POT1: variants seen among roughly 807,000 people sequenced by gnomAD.
POT1 encodes the protein protection of telomeres protein 1.
POT1 carries 47 observed loss-of-function variants against 78.5 expected under a neutral mutation model. That is an observed-to-expected ratio of 0.60 (90% confidence interval 0.47 to 0.76). The LOEUF (loss-of-function observed/expected upper bound fraction) is 0.76, where lower values mean the gene tolerates loss of function less well. POT1 is among the 30% of genes least tolerant of loss of function. The probability of loss-of-function intolerance (pLI) is 0.00; values close to 1 mark genes in which losing one functional copy is unlikely to be tolerated. For missense variants in POT1, 646 were observed against 749.9 expected, an observed-to-expected ratio of 0.86 and a Z score of 1.62; for synonymous variants, 259 against 260.7, an observed-to-expected ratio of 0.99 and a Z score of 0.06.
chr7:124,828,912 T>G (rs546345748), intron 16 of POT1: 2 of 559,718 alleles, frequency 3.6e-6, no homozygotes, highest in Non-Finnish European at 7.0e-6. Context: ...AATAATAATT[T>G]CACTCTATTC....
intron 3 of POT1, among the ~76,000 whole-genome samples, chr7:124,910,730 C>T (rs1026464675): frequency 8.6e-5 from 13 of 151,954 alleles, no homozygotes; most frequent in Non-Finnish European, 1.3e-4. Context: ...TTAGAATTTG[C>T]ATCTCTTTAC....
chr7:124,860,795 C>T (rs1410257507), intron 8 of POT1, among the ~76,000 whole-genome samples: 5 of 151,816 alleles, frequency 3.3e-5, no homozygotes, highest in Non-Finnish European at 5.9e-5. Flanking sequence ...GTGTGATGTT[C>T]CCCTCCCTGT....
chr7:124,871,993 G>GT (rs1407629129), intron 6 of POT1, among the ~76,000 whole-genome samples: 2 of 151,914 alleles, frequency 1.3e-5, no homozygotes, highest in Admixed American at 6.6e-5. Flanking sequence ...CTGAAATATT[G>GT]TATCAGTTGA....
rs1797363779 is a variant in POT1, at chr7:124,929,793, C to T, written c.-412+1G>A. On this transcript the variant is annotated splice_donor_variant, in intron 1 of 18. Coordinates refer to ENST00000357628, the MANE Select transcript of POT1 (RefSeq NM_015450.3). LOFTEE classifies it low-confidence loss of function (5UTR_SPLICE). ...CACCAAACCTTACAAATTTCACTCA[C>T]CCGTACTCTAGAAAGAACCCTAGGA... The T allele has an allele frequency of 6.6e-6, 1 of 152,282 alleles. No homozygotes were observed. The highest frequency in any genetic ancestry group is 2.1e-4 in the South Asian group (1 of 4,830). 9.4% of individuals were successfully genotyped at this position (152,282 alleles called of 1,614,324 possible). A position where few individuals can be genotyped will look rare whatever the true frequency, so the allele number is the denominator to read the frequency against.
At chr7:124,849,050 A>ATTATGTT in intron 11 of POT1, among the ~76,000 whole-genome samples, 1 of 152,302 alleles carries the variant, frequency 6.6e-6, no homozygotes, top group Admixed American at 6.5e-5. Flanking sequence ...TATACATAAC[A>ATTATGTT]GTACATTATG....
Position 124,823,906 on chromosome 7 carries a change from C to T in POT1, c.*56G>A. On this transcript the variant is annotated 3_prime_UTR_variant, in exon 19 of 19. Coordinates refer to ENST00000357628, the MANE Select transcript of POT1 (RefSeq NM_015450.3). Reference sequence around the variant, plus strand: ...ACAAAACTCAGGTCAGGAAAAGAAGCTCAAACAGGGAAGGTGAGTGGCAAC... The same window carrying T: ...ACAAAACTCAGGTCAGGAAAAGAAGTTCAAACAGGGAAGGTGAGTGGCAAC... The T allele has an allele frequency of 8.8e-7, 1 of 1,140,400 alleles. No individual in the cohort carries two copies. The highest frequency in any genetic ancestry group is 1.3e-6 in the Non-Finnish European group (1 of 763,522). 70.6% of individuals were successfully genotyped at this position (1,140,400 alleles called of 1,614,324 possible). A position where few individuals can be genotyped will look rare whatever the true frequency, so the allele number is the denominator to read the frequency against.
chr7:124,929,106 T>C (rs1797345598), intron 1 of POT1, 107 bp from the exon 2 acceptor site: 1 of 152,318 alleles, frequency 6.6e-6, no homozygotes, highest in East Asian at 1.9e-4. Context: ...CGGTTCGGGG[T>C]TGGGGGGTGA....
At chr7:124,891,316 G>GT (rs1796366222) in intron 6 of POT1, among the ~76,000 whole-genome samples, 2 of 151,436 alleles carry the variant, frequency 1.3e-5, no homozygotes, top group African/African-American at 4.8e-5. Flanking sequence ...TTTGTCTGAT[G>GT]TAAGTATGGC....
At chr7:124,825,613 T>C (rs1794611619) in intron 17 of POT1, among the ~76,000 whole-genome samples, 1 of 152,100 alleles carries the variant, frequency 6.6e-6, no homozygotes, top group African/African-American at 2.4e-5. Flanking sequence ...GTAATAATGA[T>C]TTAAAAACAA....
chr7:124,859,113 C>A lies in POT1; in HGVS notation c.547-1G>T, dbSNP rs1795520711. The A allele has an allele frequency of 6.3e-7, 1 of 1,577,574 alleles. No individual in the cohort carries two copies. The highest frequency in any genetic ancestry group is 8.6e-7 in the Non-Finnish European group (1 of 1,160,328). On this transcript the variant is annotated splice_acceptor_variant, in intron 8 of 18. Coordinates refer to ENST00000357628, the MANE Select transcript of POT1 (RefSeq NM_015450.3). LOFTEE classifies it high-confidence loss of function. ...ATGGTGTCCTGGTGCCATCCCATAC[C>A]TGCCATAAGAGAGTAGAGTAGTTTT...
chr7:124,905,656 A>G (rs1009455923), intron 3 of POT1, among the ~76,000 whole-genome samples: 1 of 152,212 alleles, frequency 6.6e-6, no homozygotes, highest in African/African-American at 2.4e-5. Flanking sequence ...TAAACTAAAG[A>G]GCTTCTGCAC....
chr7:124,840,553 G>A (rs1489254583), intron 14 of POT1: 2 of 152,108 alleles, frequency 1.3e-5, no homozygotes, highest in Admixed American at 6.6e-5. Flanking sequence ...ATCTTTACTT[G>A]TTTCAATGGT....
intron 2 of POT1, among the ~76,000 whole-genome samples, chr7:124,925,786 A>G (rs1044241465): frequency 1.3e-5 from 2 of 152,034 alleles, no homozygotes; most frequent in African/African-American, 4.8e-5. Context: ...AAAATAGAGA[A>G]ACCAGAAATA....
At chr7:124,869,501 A>C (rs1230037605) in intron 7 of POT1, among the ~76,000 whole-genome samples, 2 of 142,166 alleles carry the variant, frequency 1.4e-5, no homozygotes, top group Non-Finnish European at 3.1e-5. Context: ...AGTATACAGG[A>C]AACAATACTG....
rs201285982 is a variant in POT1 at position 124,877,840 on chromosome 7, C to CAA, written c.125-6801_125-6800dup. Reference sequence around the variant, plus strand: ...TGGGCGACAGAGAGAGATTCTGTCTCAAAAAAAAAAAAAAAAAAAAAAAAA... The same window carrying CAA: ...TGGGCGACAGAGAGAGATTCTGTCTCAAAAAAAAAAAAAAAAAAAAAAAAAAA... On this transcript the variant is annotated intron_variant, in intron 6 of 18. Transcript: ENST00000357628. Among the ~76,000 whole-genome samples the CAA allele has an allele frequency of 4.3e-3, 348 of 80,466 alleles. 30 individuals are homozygous for CAA. The highest frequency in any genetic ancestry group is 0.012 in the African/African-American group (299 of 24,170). 52.8% of individuals were successfully genotyped at this position (80,466 alleles called of 152,430 possible). A position where few individuals can be genotyped will look rare whatever the true frequency, so the allele number is the denominator to read the frequency against.
chr7:124,861,700 T>C (rs1046727877), intron 8 of POT1, among the ~76,000 whole-genome samples: 1 of 152,190 alleles, frequency 6.6e-6, no homozygotes, highest in Admixed American at 6.6e-5. Flanking sequence ...CTGAATGGTA[T>C]TGCCTAGGTT....
intron 17 of POT1, among the ~76,000 whole-genome samples, chr7:124,826,158 C>T (rs1004174216): frequency 2.0e-5 from 3 of 152,134 alleles, no homozygotes; most frequent in Admixed American, 6.5e-5. Context: ...TCAACCATAC[C>T]TACGTGATAG....
chr7:124,841,745 A>C (rs1199311938), intron 13 of POT1, among the ~76,000 whole-genome samples: 2 of 151,990 alleles, frequency 1.3e-5, no homozygotes, highest in Non-Finnish European at 2.9e-5. Context: ...AACTTTAGAC[A>C]GTTTCCGTTA....
At chr7:124,870,006 T>G (rs149009061) in intron 7 of POT1, among the ~76,000 whole-genome samples, 399 of 152,250 alleles carry the variant, frequency 2.6e-3, no homozygotes, top group Non-Finnish European at 4.8e-3. Context: ...AACACTGTCC[T>G]CGTTTATGAG....
Sources: gnomAD v4.1 joint callset for allele counts (sites outside exome capture counted in the v4.1 genomes callset) on GRCh38, gnomAD v4.1.1 for gene constraint, MANE v1.5 for transcripts, NCBI Gene and HGNC (gene_info 2026-07-23, HGNC 2026-07-21) for gene names.